PDE4B: variants seen among roughly 807,000 people sequenced by gnomAD.
PDE4B encodes the protein phosphodiesterase 4B.
Under a neutral mutation model 82.2 loss-of-function variants are expected in PDE4B, and 20 were observed. The observed-to-expected ratio is 0.24, with a 90% CI of 0.17 to 0.35. PDE4B has a LOEUF of 0.35. Ranked by LOEUF, PDE4B falls within the 10% of genes least tolerant of loss-of-function variation. PDE4B has a pLI of 1.00. For synonymous variants in PDE4B, 320 were observed against 318.9 expected (o/e 1.00, Z -0.04); for missense variants, 655 against 907.2 (o/e 0.72, Z 3.57).
At chr1:66,079,538 C>T (rs888386424) in intron 3 of PDE4B, among the ~76,000 whole-genome samples, 5 of 152,058 alleles carry the variant, frequency 3.3e-5, no homozygotes, top group African/African-American at 9.7e-5. Context: ...ATGCCACTCA[C>T]CAAATTCCAG....
At chr1:66,089,840 T>C (rs912575914) in intron 3 of PDE4B, among the ~76,000 whole-genome samples, 1 of 152,060 alleles carries the variant, frequency 6.6e-6, no homozygotes, top group Non-Finnish European at 1.5e-5. Flanking sequence ...ACTTCTGTCA[T>C]TATGCTATTA....
intron 3 of PDE4B, among the ~76,000 whole-genome samples, chr1:66,010,891 T>C (rs1224162356): frequency 1.3e-5 from 2 of 149,372 alleles, no homozygotes; most frequent in Admixed American, 1.3e-4. Context: ...CATCACATGA[T>C]GTCAAAAAGT....
intron 3 of PDE4B, among the ~76,000 whole-genome samples, chr1:66,230,965 C>G (rs564939011): frequency 1.3e-5 from 2 of 148,430 alleles, no homozygotes; most frequent in Admixed American, 1.4e-4. Context: ...ACCCAGGAGG[C>G]GGAGGTTGCA....
intron 1 of PDE4B, among the ~76,000 whole-genome samples, chr1:65,903,918 A>G (rs1646999667): frequency 6.6e-6 from 1 of 152,208 alleles, no homozygotes; most frequent in South Asian, 2.1e-4. Flanking sequence ...AAGCCAGTAA[A>G]TATTAGGCCA....
intron 3 of PDE4B, among the ~76,000 whole-genome samples, chr1:66,028,034 C>T (rs1653547790): frequency 6.6e-6 from 1 of 152,242 alleles, no homozygotes; most frequent in East Asian, 1.9e-4. Context: ...CCAGTAGGGA[C>T]TCTGTGTGGG....
intron 7 of PDE4B, among the ~76,000 whole-genome samples, chr1:66,297,760 A>T (rs1234511711): frequency 1.3e-5 from 2 of 152,146 alleles, no homozygotes; most frequent in Non-Finnish European, 2.9e-5. Flanking sequence ...AGTTTCCAAC[A>T]CATGTGCTTT....
intron 3 of PDE4B, among the ~76,000 whole-genome samples, chr1:66,087,184 G>A (rs2100978903): frequency 6.6e-6 from 1 of 152,230 alleles, no homozygotes; most frequent in Non-Finnish European, 1.5e-5. Context: ...GGTATTGAAA[G>A]GGCAGTCAAT....
intron 3 of PDE4B, among the ~76,000 whole-genome samples, chr1:66,246,606 C>T (rs1341600987): frequency 6.6e-6 from 1 of 152,208 alleles, no homozygotes; most frequent in African/African-American, 2.4e-5. Context: ...GAAAAGGGCA[C>T]AGTGCCCAGG....
At chr1:66,302,961 G>C (rs1014382840) in intron 7 of PDE4B, among the ~76,000 whole-genome samples, 8 of 152,148 alleles carry the variant, frequency 5.3e-5, no homozygotes, top group African/African-American at 1.7e-4. Context: ...GAAGACCCAA[G>C]ACCTTGCTAG....
At chr1:66,020,347 G>A (rs141526828) in intron 3 of PDE4B, among the ~76,000 whole-genome samples, 100 of 152,068 alleles carry the variant, frequency 6.6e-4, no homozygotes, top group African/African-American at 2.3e-3. Flanking sequence ...TAAGCTCTAC[G>A]GTACATGTGC....
intron 8 of PDE4B, among the ~76,000 whole-genome samples, chr1:66,351,150 A>C (rs565863263): frequency 6.6e-6 from 1 of 152,320 alleles, no homozygotes; most frequent in African/African-American, 2.4e-5. Flanking sequence ...TTTTTATTAG[A>C]GTTTATTCAC....
chr1:65,908,046 G>A (rs948980730), intron 1 of PDE4B, among the ~76,000 whole-genome samples: 1 of 152,254 alleles, frequency 6.6e-6, no homozygotes, highest in Middle Eastern at 3.4e-3. Flanking sequence ...TCTAGGTGGG[G>A]AGAGGAGGTG....
intron 3 of PDE4B, among the ~76,000 whole-genome samples, chr1:65,920,946 A>G (rs1187308734): frequency 6.6e-6 from 1 of 150,830 alleles, no homozygotes; most frequent in African/African-American, 2.4e-5. Flanking sequence ...AACATAAGTA[A>G]CTAAAAGCAT....
chr1:66,072,890 C>T (rs1237896166), intron 3 of PDE4B, among the ~76,000 whole-genome samples: 1 of 151,924 alleles, frequency 6.6e-6, no homozygotes, highest in Non-Finnish European at 1.5e-5. Context: ...GAGCAAACAC[C>T]CCTAATGCAC....
chr1:66,225,324 A>G (rs1651361427), intron 3 of PDE4B, among the ~76,000 whole-genome samples: 1 of 152,170 alleles, frequency 6.6e-6, no homozygotes, highest in Non-Finnish European at 1.5e-5. Context: ...CTACATTCTC[A>G]ATATTCTCAC....
Position 66,037,747 on chromosome 1 carries a change from G to A in PDE4B, c.281+118912G>A, listed in dbSNP as rs185717284. ...TTTACCATTAAATATGATGTTAGGT[G>A]TGAATATTGGCATCATTTTCAACAA... On this transcript the variant is annotated intron_variant, in intron 3 of 16. Transcript: ENST00000341517. Among the ~76,000 whole-genome samples the A allele has an allele frequency of 5.1e-3, 782 of 152,174 alleles. 5 individuals are homozygous for A. Among genetic ancestry groups the A allele is most frequent in the African/African-American group, 0.018 (734 of 41,522 alleles).
chr1:65,924,077 A>ATTTTTTTTTTTTTTTTTT (rs71058436), intron 3 of PDE4B, among the ~76,000 whole-genome samples: 8,526 of 40,588 alleles, frequency 0.21, 3,664 homozygotes, highest in Non-Finnish European at 0.3. Flanking sequence ...CAGTTTGCTA[A>ATTTTTTTTTTTTTTTTTT]TTTTTTTTTT....
intron 3 of PDE4B, among the ~76,000 whole-genome samples, chr1:66,018,158 C>A (rs915206222): frequency 1.3e-5 from 2 of 152,158 alleles, no homozygotes; most frequent in African/African-American, 4.8e-5. Flanking sequence ...TGGCTCACAC[C>A]TGTAATCCCA....
intron 3 of PDE4B, among the ~76,000 whole-genome samples, chr1:65,959,945 G>A (rs1156582269): frequency 1.3e-5 from 2 of 152,108 alleles, no homozygotes; most frequent in Admixed American, 1.3e-4. Context: ...CTGGGCTCAA[G>A]CAATTCTCTT....
Sources: gnomAD v4.1 joint callset for allele counts (sites outside exome capture counted in the v4.1 genomes callset) on GRCh38, gnomAD v4.1.1 for gene constraint, MANE v1.5 for transcripts, NCBI Gene and HGNC (gene_info 2026-07-23, HGNC 2026-07-21) for gene names.